Variants in BEND3 observed in about 807,000 individuals in gnomAD.
BEND3 encodes the protein BEN domain containing 3, also known as BEN domain-containing protein 3.
Under a neutral mutation model 60.1 loss-of-function variants are expected in BEND3, and 13 were observed. That is an observed-to-expected ratio of 0.22 (90% CI 0.14 to 0.34). The LOEUF is 0.34. BEND3 is among the 10% of genes least tolerant of loss of function. The pLI is 1.00. For missense variants in BEND3, 896 were observed against 1,138.1 expected, an observed-to-expected ratio of 0.79 and a Z score of 3.06; for synonymous variants, 497 against 491.5, an observed-to-expected ratio of 1.01 and a Z score of -0.15.
At chr6:107,111,770 T>C (rs1770099908) in intron 1 of BEND3, among the ~76,000 whole-genome samples, 1 of 151,884 alleles carries the variant, frequency 6.6e-6, no homozygotes, top group Non-Finnish European at 1.5e-5. Context: ...TCACTTGAGG[T>C]CAGGAGTTCA....
At chr6:107,111,459 C>T (rs1762688) in intron 1 of BEND3, among the ~76,000 whole-genome samples, 150,324 of 152,062 alleles carry the variant, frequency 0.99, 74,320 homozygotes, top group Middle Eastern at 1. Flanking sequence ...TGCACTGAGC[C>T]GAGATTGTGC....
At position 107,070,669 on chromosome 6, in the gene BEND3, T is replaced by C; in HGVS notation, c.522A>G (p.Pro174=). ...SPSSLRLLNE[P]QKRDCGSTGA... ...CGGTGCTGCCACAGTCCCGCTTCTG[T>C]GGCTCATTCAGGAGCCGCAGTGACG... Residue 174 remains proline (P), a synonymous_variant, in exon 4 of 4, where the codon CCA becomes CCG. Transcript: ENST00000369042. The surrounding 1 kb of genome is among the most constrained non-coding windows in gnomAD (Gnocchi z 6.9). 2 of 1,612,836 alleles carry C rather than the reference T, an allele frequency of 1.2e-6. No individual in the cohort carries two copies. Among genetic ancestry groups the C allele is most frequent in the Non-Finnish European group, 1.7e-6 (2 of 1,179,994 alleles).
chr6:107,084,627 T>A (rs183267191), intron 3 of BEND3, among the ~76,000 whole-genome samples: 3 of 151,978 alleles, frequency 2.0e-5, no homozygotes, highest in Non-Finnish European at 2.9e-5. Context: ...ATCAGCACTC[T>A]GTGTCTAGCT....
At chr6:107,089,175 C>T (rs912176975) in intron 3 of BEND3, among the ~76,000 whole-genome samples, 8 of 151,114 alleles carry the variant, frequency 5.3e-5, no homozygotes, top group African/African-American at 9.7e-5. Flanking sequence ...ACAATGAAAA[C>T]GTTTAAAACA....
chr6:107,071,870 G>C (rs545237802), intron 3 of BEND3, among the ~76,000 whole-genome samples: 1 of 152,344 alleles, frequency 6.6e-6, no homozygotes, highest in South Asian at 2.1e-4. Flanking sequence ...ATGGCAGGGA[G>C]AATTCGATGG....
intron 2 of BEND3, among the ~76,000 whole-genome samples, 153 bp from the exon 3 acceptor site, chr6:107,098,906 G>A (rs966805): frequency 0.061 from 9,303 of 152,012 alleles, 369 homozygotes; most frequent in East Asian, 0.2. Context: ...GCTTTCCAAC[G>A]ATGCAATCTT....
chr6:107,113,024 G>A (rs1332336349), intron 1 of BEND3, among the ~76,000 whole-genome samples: 2 of 152,146 alleles, frequency 1.3e-5, no homozygotes, highest in African/African-American at 4.8e-5. Flanking sequence ...CGGGAGTGGT[G>A]GCACGCGCCT....
At chr6:107,106,141 C>T (rs1396639488) in intron 1 of BEND3, 1 of 152,252 alleles carries the variant, frequency 6.6e-6, no homozygotes, top group East Asian at 1.9e-4. Context: ...CTACAGGTGA[C>T]ATTGACTTCT....
chr6:107,113,701 G>A (rs1770176756), intron 1 of BEND3, among the ~76,000 whole-genome samples: 1 of 152,102 alleles, frequency 6.6e-6, no homozygotes, highest in East Asian at 1.9e-4. Context: ...TCCCAGTACC[G>A]AGGAAAGCTT....
At chr6:107,099,201 A>G (rs1419418148) in intron 2 of BEND3, 48 bp downstream of exon 2, 3 of 1,464,750 alleles carry the variant, frequency 2.0e-6, no homozygotes, top group African/African-American at 1.4e-5. Context: ...GACCTGATCA[A>G]AAGTATTCAG....
In BEND3 at chr6:107,070,104, C is replaced by A. The variant is rs782704719; in HGVS notation, c.1087G>T (p.Val363Leu). The A allele has an allele frequency of 6.2e-7, 1 of 1,613,300 alleles. No homozygotes were observed. The highest frequency in any genetic ancestry group is 8.5e-7 in the Non-Finnish European group (1 of 1,180,038). The change falls in exon 4 of 4, where the codon GTG (valine) becomes TTG (leucine). Residue 363 changes from valine to leucine, a missense_variant. Around this residue, in one of 4 missense-constraint regions of BEND3, gnomAD observed 846 missense variants for 1,036.7 expected, o/e 0.82. Transcript: ENST00000369042. The surrounding 1 kb of genome is among the most constrained non-coding windows in gnomAD (Gnocchi z 6.9). The stretch of plus-strand genomic sequence containing the variant: ...TTGTCCAGGAAGTGGCCGGGGTCCA[C>A]CTGCTCTGCCTCAAAGAAGCTGGCG... Reference protein sequence around the residue: ...QVASFFEAEQVDPGHFLDNKD... With the variant: ...QVASFFEAEQLDPGHFLDNKD...
At chr6:107,111,029 G>C (rs1250816357) in intron 1 of BEND3, among the ~76,000 whole-genome samples, 1 of 149,274 alleles carries the variant, frequency 6.7e-6, no homozygotes, top group African/African-American at 2.5e-5. Context: ...GCCAGGTGTG[G>C]TGGCGCATAC....
At chr6:107,094,580 C>G (rs1775543473) in intron 3 of BEND3, among the ~76,000 whole-genome samples, 2 of 151,530 alleles carry the variant, frequency 1.3e-5, no homozygotes, top group African/African-American at 4.9e-5. Flanking sequence ...GAGATCGCGC[C>G]ATTGCACTTC....
chr6:107,073,827 C>T (rs901480068), intron 3 of BEND3, among the ~76,000 whole-genome samples: 11 of 151,494 alleles, frequency 7.3e-5, no homozygotes, highest in African/African-American at 1.9e-4. Context: ...ATTGAGGCTT[C>T]GTAAGCTGAG....
chr6:107,094,562 A>G (rs1775543126), intron 3 of BEND3, among the ~76,000 whole-genome samples: 1 of 151,954 alleles, frequency 6.6e-6, no homozygotes, highest in Non-Finnish European at 1.5e-5. Flanking sequence ...CAGAGGTTGT[A>G]GTGAGCTGAG....
intron 1 of BEND3, among the ~76,000 whole-genome samples, chr6:107,102,439 AG>A (rs1406099361): frequency 6.6e-6 from 1 of 152,216 alleles, no homozygotes; most frequent in Non-Finnish European, 1.5e-5. Context: ...AAAGTGATGA[AG>A]GAAGAGCACA....
At chr6:107,077,594 C>A (rs1353508475) in intron 3 of BEND3, among the ~76,000 whole-genome samples, 1 of 152,080 alleles carries the variant, frequency 6.6e-6, no homozygotes, top group African/African-American at 2.4e-5. Flanking sequence ...GGAGATAAAG[C>A]AACTATAATG....
In BEND3 at chr6:107,068,946, G is replaced by T. The variant is rs1554231274; in HGVS notation, c.2245C>A (p.Pro749Thr). ...AGGTTCTCGGCGGTGAAGAGTTCGGGAAACAGGCGGACGAGGAGCCGGGCG... is the reference window on the plus strand; with the variant it reads ...AGGTTCTCGGCGGTGAAGAGTTCGGTAAACAGGCGGACGAGGAGCCGGGCG... The part of the protein sequence containing the change: ...FAARLLVRLF[P>T]ELFTAENLRL... The change falls in exon 4 of 4, where the codon CCC becomes ACC. Residue 749 changes from proline to threonine, a missense_variant. Transcript: ENST00000369042. The surrounding 1 kb of genome is among the most constrained non-coding windows in gnomAD (Gnocchi z 5.8). 1 of 1,613,958 alleles carries T rather than the reference G, an allele frequency of 6.2e-7. No individual in the cohort carries two copies. The highest frequency in any genetic ancestry group is 1.7e-5 in the Admixed American group (1 of 60,018).
intron 3 of BEND3, among the ~76,000 whole-genome samples, chr6:107,082,435 A>AT (rs1268457270): frequency 2.6e-5 from 4 of 151,928 alleles, no homozygotes; most frequent in Non-Finnish European, 5.9e-5. Context: ...GTTGCTTTTT[A>AT]TTTTTTTTGA....
Sources: allele counts gnomAD v4.1 joint callset (sites outside exome capture counted in the v4.1 genomes callset), GRCh38; gene constraint gnomAD v4.1.1; regional missense constraint gnomAD v4.1.1; non-coding constraint Gnocchi (gnomAD v3.1); transcripts MANE v1.5; gene names NCBI Gene and HGNC (gene_info 2026-07-23, HGNC 2026-07-21).